RGS7: variants seen among roughly 807,000 people sequenced by gnomAD.
RGS7 encodes the protein regulator of G-protein signaling 7.
RGS7 carries 27 observed loss-of-function variants against 81.1 expected under a neutral mutation model. The ratio of observed to expected loss-of-function variants is 0.33; its 90% CI spans 0.25 to 0.46. The LOEUF (loss-of-function observed/expected upper bound fraction) is 0.46. Among genes scored for constraint, RGS7 ranks in the 20% least tolerant of loss-of-function variants. The probability of loss-of-function intolerance (pLI) is 1.00; values close to 1 mark genes in which losing one functional copy is unlikely to be tolerated. For synonymous variants in RGS7, 208 were observed against 207.7 expected (o/e 1.00, Z -0.01); for missense variants, 396 against 607.4 (o/e 0.65, Z 3.66).
intron 3 of RGS7, among the ~76,000 whole-genome samples, chr1:241,022,016 C>A (rs1197540265): frequency 6.6e-6 from 1 of 152,062 alleles, no homozygotes; most frequent in Non-Finnish European, 1.5e-5. Flanking sequence ...TTTAGCTGTG[C>A]GGTTAAGACA....
intron 3 of RGS7, among the ~76,000 whole-genome samples, chr1:241,030,377 T>TATATAC (rs71793632): frequency 2.2e-5 from 3 of 137,434 alleles, no homozygotes; most frequent in African/African-American, 8.3e-5. Context: ...TATATATACA[T>TATATAC]ACACACATAC....
chr1:241,101,432 C>G (rs1292437038), intron 2 of RGS7, among the ~76,000 whole-genome samples: 1 of 151,740 alleles, frequency 6.6e-6, no homozygotes, highest in Non-Finnish European at 1.5e-5. Flanking sequence ...AGAGGCAGAG[C>G]TTGCAGTGAG....
chr1:240,933,105 A>G (rs534517028), intron 5 of RGS7, among the ~76,000 whole-genome samples: 3,370 of 150,458 alleles, frequency 0.022, 80 homozygotes, highest in African/African-American at 0.071. Context: ...GATGGTCTCC[A>G]TCTCCTGACC....
chr1:241,160,791 C>T (rs1299519222), intron 2 of RGS7, among the ~76,000 whole-genome samples: 2 of 152,132 alleles, frequency 1.3e-5, no homozygotes, highest in Admixed American at 1.3e-4. Context: ...GGTACTGTTC[C>T]AGCTTATTAA....
chr1:241,248,222 T>C (rs2076644877), intron 2 of RGS7, among the ~76,000 whole-genome samples: 1 of 151,878 alleles, frequency 6.6e-6, no homozygotes, highest in South Asian at 2.1e-4. Flanking sequence ...TGCACCTTCT[T>C]GTGGTTAGTG....
intron 2 of RGS7, among the ~76,000 whole-genome samples, chr1:241,238,130 GC>G (rs1162388447): frequency 6.6e-6 from 1 of 152,178 alleles, no homozygotes; most frequent in East Asian, 1.9e-4. Flanking sequence ...AGTGAAGCAT[GC>G]AAAGTGCTGT....
chr1:241,087,993 TATACACACACACAC>T (rs2063566782), intron 3 of RGS7, among the ~76,000 whole-genome samples: 1 of 105,290 alleles, frequency 9.5e-6, no homozygotes, highest in African/African-American at 3.7e-5. Context: ...TATATATATA[TATACACACACACAC>T]ATATATATAT....
At chr1:240,948,113 T>C (rs540205519) in intron 4 of RGS7, among the ~76,000 whole-genome samples, 12 of 152,360 alleles carry the variant, frequency 7.9e-5, no homozygotes, top group African/African-American at 2.4e-4. Context: ...TATCTTTTAG[T>C]TGGCTTTCAT....
intron 2 of RGS7, among the ~76,000 whole-genome samples, chr1:241,190,721 T>A (rs1298780252): frequency 1.3e-5 from 2 of 152,216 alleles, no homozygotes; most frequent in Admixed American, 1.3e-4. Context: ...TTTTTGTAGA[T>A]TTTTTTCATT....
At position 241,009,074 on chromosome 1, in the gene RGS7, C is replaced by T. The variant is rs542655014; in HGVS notation, c.176-25945G>A. On this transcript the variant is annotated intron_variant, in intron 3 of 18. Coordinates refer to ENST00000440928, the MANE Select transcript of RGS7 (RefSeq NM_001364886.1). ...AATGTAATAAAGGATTAAAGGGCAC[C>T]AGAGAAGACCCCTTGCCTCTTCATT... 5.3e-5 allele frequency among the ~76,000 whole-genome samples: 8 copies of T among 152,180 alleles called. No individual in the cohort carries two copies. The East Asian group carries it at 1.5e-3, about 29-fold the overall frequency.
At chr1:241,091,586 TAAA>T (rs2148931242) in intron 3 of RGS7, among the ~76,000 whole-genome samples, 1 of 141,508 alleles carries the variant, frequency 7.1e-6, no homozygotes, top group East Asian at 2.2e-4. Flanking sequence ...AATAAATAAA[TAAA>T]TAAATAAAAA....
intron 2 of RGS7, among the ~76,000 whole-genome samples, chr1:241,128,187 G>A (rs1241009437): frequency 6.6e-6 from 1 of 151,564 alleles, no homozygotes; most frequent in African/African-American, 2.4e-5. Context: ...TGAGGCAGGA[G>A]AATGACGTGA....
intron 3 of RGS7, among the ~76,000 whole-genome samples, chr1:241,010,892 C>T (rs577084797): frequency 9.2e-5 from 14 of 152,248 alleles, no homozygotes; most frequent in African/African-American, 3.1e-4. Context: ...CACCATTTTT[C>T]GTCCCACATG....
At chr1:241,192,252 CGT>C (rs56677676) in intron 2 of RGS7, among the ~76,000 whole-genome samples, 58,870 of 124,194 alleles carry the variant, frequency 0.47, 14,433 homozygotes, top group African/African-American at 0.57. Flanking sequence ...TCTGTCTGCA[CGT>C]GTGTGTGTGT....
At chr1:241,162,961 G>A (rs560069680) in intron 2 of RGS7, among the ~76,000 whole-genome samples, 2 of 152,296 alleles carry the variant, frequency 1.3e-5, no homozygotes, top group South Asian at 4.1e-4. Flanking sequence ...TAGTTCCAGA[G>A]TTGGCACATT....
chr1:241,268,781 C>G (rs1028639156), intron 2 of RGS7, among the ~76,000 whole-genome samples: 2 of 152,160 alleles, frequency 1.3e-5, no homozygotes, highest in African/African-American at 4.8e-5. Flanking sequence ...AGCTTTGTCC[C>G]TCCGCTGGAT....
At chr1:240,920,875 T>C (rs950326233) in intron 6 of RGS7, among the ~76,000 whole-genome samples, 8 of 151,950 alleles carry the variant, frequency 5.3e-5, no homozygotes, top group African/African-American at 1.9e-4. Context: ...GGTCTTAATG[T>C]AGATTTTTTT....
intron 3 of RGS7, among the ~76,000 whole-genome samples, chr1:241,071,894 A>AAAAAAAAAAAAAAAAAAAG (rs2062486544): frequency 6.9e-6 from 1 of 145,620 alleles, no homozygotes; most frequent in African/African-American, 2.5e-5. Flanking sequence ...AAAAAAAAAA[A>AAAAAAAAAAAAAAAAAAAG]ACAAGAAAGA....
At chr1:241,127,550 G>C (rs962174987) in intron 2 of RGS7, among the ~76,000 whole-genome samples, 1 of 152,112 alleles carries the variant, frequency 6.6e-6, no homozygotes, top group Non-Finnish European at 1.5e-5. Flanking sequence ...TGTGGCGTGG[G>C]GGGAGCGGGG....
Sources: allele counts gnomAD v4.1 joint callset (sites outside exome capture counted in the v4.1 genomes callset), GRCh38; gene constraint gnomAD v4.1.1; transcripts MANE v1.5; gene names NCBI Gene and HGNC (gene_info 2026-07-23, HGNC 2026-07-21).